KBTBD2: variants seen among roughly 807,000 people sequenced by gnomAD.
The protein encoded by KBTBD2 is kelch repeat and BTB domain-containing protein 2.
Under a neutral mutation model 57.1 loss-of-function variants are expected in KBTBD2, and 17 were observed. The observed-to-expected ratio is 0.30, with a 90% CI of 0.20 to 0.45. The LOEUF is 0.45. Ranked by LOEUF, KBTBD2 falls within the 20% of genes least tolerant of loss-of-function variation. The pLI, the probability that KBTBD2 is intolerant of heterozygous loss-of-function variation, is 1.00. For missense variants in KBTBD2, 515 were observed against 750.6 expected (o/e 0.69, Z 3.67); for synonymous variants, 267 against 262.7 (o/e 1.02, Z -0.16).
In KBTBD2 at chr7:32,877,104, C is replaced by G. The variant is rs545365712; in HGVS notation, c.171-1947G>C. The stretch of plus-strand genomic sequence containing the variant: ...TGGTATCTCAGTTCACTGCAACACC[C>G]AACTCCCAGGTTCAAGCGATTCTCC... On this transcript the variant is annotated intron_variant, in intron 2 of 3. Coordinates refer to ENST00000304056, the MANE Select transcript of KBTBD2 (RefSeq NM_015483.3). Among the ~76,000 whole-genome samples the G allele has an allele frequency of 2.0e-5, 3 of 152,162 alleles. No homozygotes were observed. The South Asian group carries it at 6.2e-4, about 32-fold the overall frequency.
At chr7:32,876,279 A>G (rs1045104285) in intron 2 of KBTBD2, among the ~76,000 whole-genome samples, 2 of 152,342 alleles carry the variant, frequency 1.3e-5, no homozygotes, top group Non-Finnish European at 2.9e-5. Context: ...GGGCCCCTCA[A>G]GGACAGAGAT....
At chr7:32,884,452 G>A (rs1784518623) in intron 1 of KBTBD2, among the ~76,000 whole-genome samples, 1 of 151,016 alleles carries the variant, frequency 6.6e-6, no homozygotes, top group Non-Finnish European at 1.5e-5. Context: ...CACTTTGGGA[G>A]GCTGAGGTGG....
chr7:32,887,816 T>TAAAA (rs1348511839), intron 1 of KBTBD2, among the ~76,000 whole-genome samples: 2 of 152,232 alleles, frequency 1.3e-5, no homozygotes, highest in Admixed American at 6.5e-5. Context: ...TGGCCCTTTT[T>TAAAA]AAGTTATTTA....
At chr7:32,884,117 C>A (rs1784508859) in intron 1 of KBTBD2, among the ~76,000 whole-genome samples, 1 of 152,168 alleles carries the variant, frequency 6.6e-6, no homozygotes, top group Non-Finnish European at 1.5e-5. Flanking sequence ...CTCAGCCCTA[C>A]TACTAACAGT....
intron 1 of KBTBD2, among the ~76,000 whole-genome samples, chr7:32,882,303 A>G (rs1421114599): frequency 6.6e-6 from 1 of 152,222 alleles, no homozygotes; most frequent in Non-Finnish European, 1.5e-5. Flanking sequence ...GGCCAGGGCC[A>G]AGACAGACTT....
At chr7:32,887,640 G>C (rs779907302) in intron 1 of KBTBD2, among the ~76,000 whole-genome samples, 1 of 152,178 alleles carries the variant, frequency 6.6e-6, no homozygotes, top group Non-Finnish European at 1.5e-5. Context: ...TACTAACTTA[G>C]GGAGTGCTGC....
rs999297298 is a variant in KBTBD2, at chr7:32,868,343, G to C, written c.*1002C>G. 6.6e-6 allele frequency: 1 copy of C among 152,532 alleles called. No homozygotes were observed. The allele number at this position is 152,532 out of a possible 1,614,324, so 9.4% of individuals were successfully genotyped here. On this transcript the variant is annotated 3_prime_UTR_variant, in exon 4 of 4. Coordinates refer to ENST00000304056, the MANE Select transcript of KBTBD2 (RefSeq NM_015483.3). ...TGGGATTAATGCCAGAGCAGCGCTAGTTATCTGCTCTTCTGCACAGCTAGT... is the reference window on the plus strand; with the variant it reads ...TGGGATTAATGCCAGAGCAGCGCTACTTATCTGCTCTTCTGCACAGCTAGT...
At chr7:32,881,330 T>C (rs1368544301) in intron 1 of KBTBD2, among the ~76,000 whole-genome samples, 1 of 151,868 alleles carries the variant, frequency 6.6e-6, no homozygotes, top group Non-Finnish European at 1.5e-5. Context: ...GCAAAGGAAT[T>C]ACAAATCAGG....
chr7:32,885,466 T>TA (rs1784554628), intron 1 of KBTBD2, among the ~76,000 whole-genome samples: 1 of 110,684 alleles, frequency 9.0e-6, no homozygotes, highest in South Asian at 3.3e-4. Context: ...TACCTTTAAT[T>TA]AAGGTTAAAA....
At chr7:32,884,825 G>A (rs886091861) in intron 1 of KBTBD2, among the ~76,000 whole-genome samples, 1 of 151,878 alleles carries the variant, frequency 6.6e-6, no homozygotes, top group Admixed American at 6.6e-5. Context: ...AACTCTTGCT[G>A]CAGCCTGAAA....
At chr7:32,874,394 C>A (rs746662075) in intron 3 of KBTBD2, 2 of 150,294 alleles carry the variant, frequency 1.3e-5, no homozygotes, top group Non-Finnish European at 3.0e-5. Context: ...AATGATACTC[C>A]GTCTCAAAAA....
chr7:32,875,001 G>C lies in KBTBD2; in HGVS notation c.327C>G (p.Cys109Trp). The stretch of plus-strand genomic sequence containing the variant: ...ATATATATATGCTTACCTGTAGGAA[G>C]CAAGCTGTTTCATAAAGCTGTTCTA... ...STVEQLYETA[C>W]FLQVEDVLQR... The change falls in exon 3 of 4, where the codon TGC (cysteine) becomes TGG (tryptophan). Residue 109 changes from cysteine (C) to tryptophan (W), a missense_variant. Physicochemically the swap from Cys to Trp is radical, Grantham distance 215. Coordinates refer to ENST00000304056, the MANE Select transcript of KBTBD2 (RefSeq NM_015483.3). The C allele has an allele frequency of 6.2e-7, 1 of 1,613,880 alleles. No homozygotes were observed. Among genetic ancestry groups the C allele is most frequent in the Non-Finnish European group, 8.5e-7 (1 of 1,179,800 alleles).
intron 1 of KBTBD2, among the ~76,000 whole-genome samples, chr7:32,885,577 T>C (rs1048684406): frequency 6.6e-6 from 1 of 152,016 alleles, no homozygotes; most frequent in Non-Finnish European, 1.5e-5. Flanking sequence ...GGGAAATCCC[T>C]GTTATAAGCC....
chr7:32,890,061 A>G (rs562281937), intron 1 of KBTBD2, among the ~76,000 whole-genome samples: 6 of 148,538 alleles, frequency 4.0e-5, no homozygotes, highest in African/African-American at 1.5e-4. Flanking sequence ...TTCTTATGAG[A>G]GCAAAAAGGG....
At chr7:32,877,304 A>C (rs1784338143) in intron 2 of KBTBD2, among the ~76,000 whole-genome samples, 2 of 152,214 alleles carry the variant, frequency 1.3e-5, no homozygotes, top group South Asian at 4.1e-4. Flanking sequence ...GGCATGTGCC[A>C]GCACTCCCGA....
At position 32,870,815 on chromosome 7, in the gene KBTBD2, T is replaced by G. The variant is rs1463057482; in HGVS notation, c.402A>C (p.Val134=). ...AGAGATCAGCAAAACTCAACAATCG[T>G]ACACAATTCTCTGCATTTATTTTTT... ...LIKKINAENC[V]RLLSFADLFS... is the part of the protein sequence containing the mutation. The change falls in exon 4 of 4, where the codon GTA becomes GTC. Residue 134 remains valine, a synonymous_variant. Coordinates refer to ENST00000304056, the MANE Select transcript of KBTBD2 (RefSeq NM_015483.3). 2 of 1,609,136 alleles carry G rather than the reference T, an allele frequency of 1.2e-6. No homozygotes were observed. The highest frequency in any genetic ancestry group is 3.4e-5 in the Admixed American group (2 of 58,876).
At position 32,868,908 on chromosome 7, in the gene KBTBD2, T is replaced by C. The variant is rs889254890; in HGVS notation, c.*437A>G. The stretch of plus-strand genomic sequence containing the variant: ...ACACGGACATTAGTGTTAAGTGCAG[T>C]TGAATTAATTACACTGAAAACTGTA... On this transcript the variant is annotated 3_prime_UTR_variant, in exon 4 of 4. Coordinates refer to ENST00000304056, the MANE Select transcript of KBTBD2 (RefSeq NM_015483.3). The C allele has an allele frequency of 1.9e-5, 3 of 159,042 alleles. No homozygotes were observed. The highest frequency in any genetic ancestry group is 3.6e-4 in the South Asian group (2 of 5,622). The allele number at this position is 159,042 out of a possible 1,614,324, so 9.9% of individuals were successfully genotyped here.
chr7:32,869,703 T>C lies in KBTBD2; in HGVS notation c.1514A>G (p.Asn505Ser). ...SSVTVEIYDV[N>S]KNEWKMAANI... Reference sequence around the variant, plus strand: ...GGCTGCCATTTTCCACTCATTTTTATTCACATCATAAATTTCCACAGTTAC... The same window carrying C: ...GGCTGCCATTTTCCACTCATTTTTACTCACATCATAAATTTCCACAGTTAC... The change falls in exon 4 of 4, where the codon AAT becomes AGT. Residue 505 changes from asparagine (N) to serine (S), a missense_variant. Transcript: ENST00000304056. 1 of 1,614,172 alleles carries C rather than the reference T, an allele frequency of 6.2e-7. No individual in the cohort carries two copies. Among genetic ancestry groups the C allele is most frequent in the Non-Finnish European group, 8.5e-7 (1 of 1,180,026 alleles).
intron 3 of KBTBD2, among the ~76,000 whole-genome samples, chr7:32,871,626 T>C (rs1399301704): frequency 6.6e-6 from 1 of 152,152 alleles, no homozygotes; most frequent in East Asian, 1.9e-4. Context: ...AAACTACTTA[T>C]TAGGAAAGAA....
Sources: allele counts gnomAD v4.1 joint callset (sites outside exome capture counted in the v4.1 genomes callset), GRCh38; gene constraint gnomAD v4.1.1; transcripts MANE v1.5; gene names NCBI Gene and HGNC (gene_info 2026-07-23, HGNC 2026-07-21).